Variants in SOX5 observed in about 807,000 individuals in gnomAD.
The protein encoded by SOX5 is SRY-box transcription factor 5, also known as transcription factor SOX-5.
A neutral mutation model predicts 92.0 loss-of-function variants in SOX5; 9 were observed. The observed-to-expected ratio is 0.10, with a 90% confidence interval of 0.06 to 0.17. The LOEUF (loss-of-function observed/expected upper bound fraction) is 0.17. Ranked by LOEUF, SOX5 falls within the 10% of genes least tolerant of loss-of-function variation. The pLI, the probability that SOX5 is intolerant of heterozygous loss-of-function variation, is 1.00. For missense variants in SOX5, 642 were observed against 944.5 expected, an observed-to-expected ratio of 0.68 and a Z score of 4.20; for synonymous variants, 344 against 336.3, an observed-to-expected ratio of 1.02 and a Z score of -0.25.
At chr12:23,845,951 G>T in intron 3 of SOX5, 32 bp downstream of exon 3, 8 of 1,507,002 alleles carry the variant, frequency 5.3e-6, no homozygotes, top group Non-Finnish European at 7.4e-6. Context: ...TCAGGACACA[G>T]CATCAACTTT....
chr12:23,930,982 G>A (rs17400203), intron 1 of SOX5, among the ~76,000 whole-genome samples: 13,661 of 151,622 alleles, frequency 0.09, 751 homozygotes, highest in Non-Finnish European at 0.13. Context: ...TTCCTTCATT[G>A]CAATTGCTTG....
chr12:23,574,452 T>G (rs545161200), intron 10 of SOX5, among the ~76,000 whole-genome samples: 1 of 152,318 alleles, frequency 6.6e-6, no homozygotes, highest in Middle Eastern at 3.4e-3. Context: ...TCCTTGTTAT[T>G]TCATAAATTC....
chr12:23,861,473 T>A (rs1004225223), intron 2 of SOX5, among the ~76,000 whole-genome samples: 1 of 152,152 alleles, frequency 6.6e-6, no homozygotes, highest in Non-Finnish European at 1.5e-5. Flanking sequence ...AAAGAGGAGA[T>A]AAATAATTTT....
chr12:23,961,465 C>A (rs1284241319), intron 4 of SOX5, among the ~76,000 whole-genome samples: 3 of 152,250 alleles, frequency 2.0e-5, no homozygotes, highest in South Asian at 2.1e-4. Context: ...TGGCACACAG[C>A]CTGTTGTTTC....
chr12:24,069,608 G>C (rs1221177366), intron 4 of SOX5, among the ~76,000 whole-genome samples: 1 of 152,168 alleles, frequency 6.6e-6, no homozygotes, highest in Non-Finnish European at 1.5e-5. Flanking sequence ...CCCCTAGTTA[G>C]AGATCACAGC....
At chr12:24,082,828 T>C (rs1943529426) in intron 4 of SOX5, among the ~76,000 whole-genome samples, 1 of 151,944 alleles carries the variant, frequency 6.6e-6, no homozygotes, top group African/African-American at 2.4e-5. Flanking sequence ...CTCTTACTAT[T>C]AATATACTTT....
intron 2 of SOX5, among the ~76,000 whole-genome samples, chr12:23,881,329 C>A (rs1471956952): frequency 6.6e-6 from 1 of 152,150 alleles, no homozygotes; most frequent in African/African-American, 2.4e-5. Flanking sequence ...CTTCCTTTGG[C>A]CCCCTCTTTT....
chr12:24,096,204 G>C (rs1945394860), intron 4 of SOX5, among the ~76,000 whole-genome samples: 1 of 152,056 alleles, frequency 6.6e-6, no homozygotes, highest in Admixed American at 6.5e-5. Flanking sequence ...TACCGTGGTG[G>C]TTTGCTGCAC....
chr12:23,805,376 G>A (rs951675008), intron 3 of SOX5, among the ~76,000 whole-genome samples: 1 of 151,824 alleles, frequency 6.6e-6, no homozygotes, highest in African/African-American at 2.4e-5. Context: ...GGTAAATAGA[G>A]TAGTTGCAAG....
At chr12:23,992,882 ACT>A (rs1315303027) in intron 4 of SOX5, among the ~76,000 whole-genome samples, 1 of 152,166 alleles carries the variant, frequency 6.6e-6, no homozygotes, top group Non-Finnish European at 1.5e-5. Flanking sequence ...AAAAGACAAG[ACT>A]CTATGCTGGC....
Position 23,665,513 on chromosome 12 carries a change from G to A in SOX5, c.862C>T (p.Arg288Trp), listed in dbSNP as rs557463084. 3 of 1,613,514 alleles carry A rather than the reference G, an allele frequency of 1.9e-6. No homozygotes were observed. The highest frequency in any genetic ancestry group is 1.3e-5 in the African/African-American group (1 of 74,996). ...LMIPVFPPDQ[R>W]TLAAAAQQGF... ...TGCTGGGCAGCTGCAGCCAGTGTCC[G>A]TTGATCAGGAGGGAATACGGGAATC... is the stretch of plus-strand genomic sequence containing the variant. Residue 288 changes from arginine (R) to tryptophan (W), a missense_variant, in exon 7 of 15, where the codon CGG becomes TGG. Around this residue, in one of 8 missense-constraint regions of SOX5, gnomAD observed 324 missense variants for 461.6 expected, o/e 0.70. Coordinates refer to ENST00000451604, the MANE Select transcript of SOX5 (RefSeq NM_006940.6).
chr12:23,716,677 C>T (rs80223462), intron 6 of SOX5, among the ~76,000 whole-genome samples: 2,226 of 152,262 alleles, frequency 0.015, 28 homozygotes, highest in Non-Finnish European at 0.023. Context: ...TGTTCTGGTT[C>T]TCTTATAAGG....
chr12:24,055,443 G>A (rs1466259046), intron 4 of SOX5, among the ~76,000 whole-genome samples: 5 of 152,174 alleles, frequency 3.3e-5, no homozygotes, highest in African/African-American at 1.2e-4. Flanking sequence ...AATCAGAAAG[G>A]AAAGTTCACA....
In SOX5 at chr12:24,171,867, G is replaced by A. The variant is rs4270011; in HGVS notation, c.-2+41476C>T. On this transcript the variant is annotated intron_variant, in intron 4 of 4. Coordinates refer to the SOX5 transcript ENST00000446891. ...AAAAAGAAGAAGAAAGGACCCTGAC[G>A]CACTCTGATTGAGGGGGAAAGTTTC... is the stretch of plus-strand genomic sequence containing the variant. Among the ~76,000 whole-genome samples, 46 of 152,110 alleles carry A rather than the reference G, an allele frequency of 3.0e-4. 1 individual carries two copies. The highest frequency in any genetic ancestry group is 7.9e-4 in the Admixed American group (12 of 15,272).
At chr12:24,541,292 A>T (rs1281230605) in intron 1 of SOX5, among the ~76,000 whole-genome samples, 1 of 152,224 alleles carries the variant, frequency 6.6e-6, no homozygotes, top group Non-Finnish European at 1.5e-5. Context: ...ACCTTTCAAA[A>T]GCTGCTCCTT....
At chr12:23,546,245 A>G (rs1475980799) in intron 12 of SOX5, 71 bp downstream of exon 12, 3 of 843,720 alleles carry the variant, frequency 3.6e-6, no homozygotes, top group Non-Finnish European at 5.9e-6. Context: ...TCTATTTTTT[A>G]GCAGTTTTAA....
At chr12:23,984,873 G>A (rs1177243495) in intron 4 of SOX5, among the ~76,000 whole-genome samples, 5 of 152,168 alleles carry the variant, frequency 3.3e-5, no homozygotes, top group Non-Finnish European at 7.3e-5. Context: ...ATTGTAATTA[G>A]TATATTAACT....
chr12:24,254,621 T>C (rs1304606019), intron 3 of SOX5, among the ~76,000 whole-genome samples: 1 of 151,992 alleles, frequency 6.6e-6, no homozygotes, highest in Non-Finnish European at 1.5e-5. Flanking sequence ...ACAGTTTCCA[T>C]TGAATATGTA....
At chr12:24,156,703 C>T (rs1354092454) in intron 4 of SOX5, among the ~76,000 whole-genome samples, 1 of 152,032 alleles carries the variant, frequency 6.6e-6, no homozygotes, top group Non-Finnish European at 1.5e-5. Flanking sequence ...TTCTCAGATA[C>T]AACAATTAAT....
Sources: allele counts gnomAD v4.1 joint callset (sites outside exome capture counted in the v4.1 genomes callset), GRCh38; gene constraint gnomAD v4.1.1; regional missense constraint gnomAD v4.1.1; transcripts MANE v1.5; gene names NCBI Gene and HGNC (gene_info 2026-07-23, HGNC 2026-07-21).